Variants in NCAM2 observed in about 807,000 individuals in gnomAD.
NCAM2 encodes the protein N-CAM-2.
NCAM2 carries 30 observed loss-of-function variants against 98.1 expected under a neutral mutation model. The observed-to-expected ratio is 0.31, with a 90% confidence interval of 0.23 to 0.41. The LOEUF is 0.41. NCAM2 is among the 10% of genes least tolerant of loss of function. The pLI is 1.00. For synonymous variants in NCAM2, 368 were observed against 342.4 expected, an observed-to-expected ratio of 1.07 and a Z score of -0.83; for missense variants, 867 against 1,005.8, an observed-to-expected ratio of 0.86 and a Z score of 1.87.
intron 1 of NCAM2, among the ~76,000 whole-genome samples, chr21:21,268,038 C>T (rs2072352162): frequency 6.6e-6 from 1 of 152,100 alleles, no homozygotes; most frequent in Admixed American, 6.6e-5. Flanking sequence ...GGTTCGGCTG[C>T]AGCATTTTTG....
At chr21:21,313,457 A>G (rs147461657) in intron 5 of NCAM2, among the ~76,000 whole-genome samples, 1 of 151,924 alleles carries the variant, frequency 6.6e-6, no homozygotes, top group African/African-American at 2.4e-5. Context: ...ATTCTATTTT[A>G]CATCTTTTAA....
At chr21:21,404,021 C>T (rs887210508) in intron 9 of NCAM2, among the ~76,000 whole-genome samples, 1 of 151,808 alleles carries the variant, frequency 6.6e-6, no homozygotes, top group Non-Finnish European at 1.5e-5. Flanking sequence ...ATGAATTTTG[C>T]CCTCTTTATG....
chr21:21,301,116 T>G (rs2073696569), intron 5 of NCAM2, among the ~76,000 whole-genome samples: 1 of 152,110 alleles, frequency 6.6e-6, no homozygotes, highest in Admixed American at 6.6e-5. Context: ...TTTAAGTCCC[T>G]TAGAGGCTCT....
At chr21:21,264,704 CACAT>C (rs761514042) in intron 1 of NCAM2, among the ~76,000 whole-genome samples, 45 of 149,110 alleles carry the variant, frequency 3.0e-4, no homozygotes, top group African/African-American at 5.6e-4. Flanking sequence ...TACATACACA[CACAT>C]ACATCATTTT....
chr21:21,255,935 T>C (rs1412473101), intron 1 of NCAM2, among the ~76,000 whole-genome samples: 1 of 152,124 alleles, frequency 6.6e-6, no homozygotes. Flanking sequence ...ACCAACAACA[T>C]AGAGAATTAT....
chr21:21,029,071 T>G (rs987941606), intron 1 of NCAM2, among the ~76,000 whole-genome samples: 2 of 152,226 alleles, frequency 1.3e-5, no homozygotes, highest in Non-Finnish European at 2.9e-5. Flanking sequence ...GTAACATGTT[T>G]TAGTGTAGGT....
At position 21,439,039 on chromosome 21, in the gene NCAM2, C is replaced by T. The variant is rs900931311; in HGVS notation, c.1654+6758C>T. On this transcript the variant is annotated intron_variant, in intron 12 of 17. Coordinates refer to ENST00000400546, the MANE Select transcript of NCAM2 (RefSeq NM_004540.5). ...AGTTTAAGGCTGCAGAGAACTATGACTGTGCCACTGAACTCCAACCTGGGC... is the reference window on the plus strand; with the variant it reads ...AGTTTAAGGCTGCAGAGAACTATGATTGTGCCACTGAACTCCAACCTGGGC... Among the ~76,000 whole-genome samples the T allele has an allele frequency of 2.3e-4, 35 of 151,970 alleles. 1 individual carries two copies. Among genetic ancestry groups the T allele is most frequent in the Admixed American group, 2.3e-3 (35 of 15,250 alleles).
chr21:21,432,740 AT>A (rs556869393), intron 12 of NCAM2, among the ~76,000 whole-genome samples: 102 of 151,950 alleles, frequency 6.7e-4, no homozygotes, highest in Admixed American at 2.0e-3. Flanking sequence ...GTATTTTTAT[AT>A]TTTTTTACTT....
At chr21:21,142,929 T>C (rs1300937781) in intron 1 of NCAM2, among the ~76,000 whole-genome samples, 1 of 152,206 alleles carries the variant, frequency 6.6e-6, no homozygotes, top group African/African-American at 2.4e-5. Flanking sequence ...GACAGCAATT[T>C]TGGTTGTTAT....
At chr21:21,237,952 T>TG (rs2070903919) in intron 1 of NCAM2, among the ~76,000 whole-genome samples, 1 of 33,866 alleles carries the variant, frequency 3.0e-5, no homozygotes, top group African/African-American at 7.4e-5. Context: ...TGTAATTCTT[T>TG]TTTTTTTTTT....
Position 21,324,513 on chromosome 21 carries a change from C to A in NCAM2, c.737+13C>A, listed in dbSNP as rs752122041. On this transcript the variant is annotated intron_variant, in intron 6 of 17. Coordinates refer to ENST00000400546, the MANE Select transcript of NCAM2 (RefSeq NM_004540.5). ...TCTCCTGGTTCAGGTAGGTTATGCA[C>A]CCCCCTCCCTCTGGCTTGTGTCCAT... The A allele has an allele frequency of 2.6e-6, 4 of 1,545,462 alleles. No individual in the cohort carries two copies. The highest frequency in any genetic ancestry group is 2.2e-5 in the South Asian group (2 of 89,324).
intron 6 of NCAM2, among the ~76,000 whole-genome samples, chr21:21,328,217 T>A (rs1450810560): frequency 3.3e-5 from 5 of 152,188 alleles, no homozygotes; most frequent in Non-Finnish European, 7.4e-5. Context: ...ATATTACTCA[T>A]GAGTTGGTAG....
intron 5 of NCAM2, among the ~76,000 whole-genome samples, chr21:21,323,904 G>A (rs2074441704): frequency 6.6e-6 from 1 of 152,230 alleles, no homozygotes; most frequent in East Asian, 1.9e-4. Context: ...ATTGCTTATG[G>A]CATTACACAG....
intron 1 of NCAM2, among the ~76,000 whole-genome samples, chr21:21,109,924 G>A (rs1480910168): frequency 6.6e-6 from 1 of 152,160 alleles, no homozygotes; most frequent in Non-Finnish European, 1.5e-5. Flanking sequence ...TATAATTCAA[G>A]CTAAATGTTA....
intron 5 of NCAM2, among the ~76,000 whole-genome samples, chr21:21,297,946 C>A (rs150028846): frequency 8.2e-4 from 125 of 151,842 alleles, no homozygotes; most frequent in African/African-American, 2.5e-3. Context: ...ATAAAAAACA[C>A]CTAGTAATGC....
chr21:21,203,576 A>G (rs933597818), intron 1 of NCAM2, among the ~76,000 whole-genome samples: 5 of 152,306 alleles, frequency 3.3e-5, no homozygotes, highest in East Asian at 1.9e-4. Context: ...CAAATTTTGT[A>G]TCATTCATTC....
chr21:21,060,105 A>C (rs2065291102), intron 1 of NCAM2, among the ~76,000 whole-genome samples: 1 of 152,068 alleles, frequency 6.6e-6, no homozygotes, highest in Non-Finnish European at 1.5e-5. Flanking sequence ...CTTGACATGT[A>C]TTTGTGAGTG....
At chr21:21,477,582 C>T (rs985946075) in intron 15 of NCAM2, 111 bp downstream of exon 15, 249 of 900,150 alleles carry the variant, frequency 2.8e-4, no homozygotes, top group Non-Finnish European at 2.9e-4. Context: ...AATGTAAATT[C>T]CAGGTTCTAA....
chr21:21,221,472 C>T (rs1180221571), intron 1 of NCAM2, among the ~76,000 whole-genome samples: 3 of 324 alleles, frequency 9.3e-3, no homozygotes, highest in Non-Finnish European at 0.02. Context: ...TTGGAGGAAA[C>T]TAAAATGTAC....
Sources: allele counts gnomAD v4.1 joint callset (sites outside exome capture counted in the v4.1 genomes callset), GRCh38; gene constraint gnomAD v4.1.1; transcripts MANE v1.5; gene names NCBI Gene and HGNC (gene_info 2026-07-23, HGNC 2026-07-21).